FOXN3: variants seen among roughly 807,000 people sequenced by gnomAD.
The protein encoded by FOXN3 is forkhead box N3.
FOXN3 carries 7 observed loss-of-function variants against 38.4 expected under a neutral mutation model. The observed-to-expected ratio is 0.18, with a 90% CI of 0.10 to 0.34. The LOEUF (loss-of-function observed/expected upper bound fraction) is 0.34. FOXN3 is among the 10% of genes least tolerant of loss of function. The pLI is 1.00. For missense variants in FOXN3, 456 were observed against 613.4 expected (o/e 0.74, Z 2.71); for synonymous variants, 230 against 242.2 (o/e 0.95, Z 0.47).
chr14:89,612,710 C>CTTGAGCCCAAGAGTTCGAGGCTGCA (rs1349486142), intron 1 of FOXN3, among the ~76,000 whole-genome samples: 1 of 151,974 alleles, frequency 6.6e-6, no homozygotes, highest in Non-Finnish European at 1.5e-5. Context: ...GGAAAGACTG[C>CTTGAGCCCAAGAGTTCGAGGCTGCA]TTGAGCCCAA....
At chr14:89,385,266 A>T (rs1220418846) in intron 2 of FOXN3, among the ~76,000 whole-genome samples, 4 of 152,152 alleles carry the variant, frequency 2.6e-5, no homozygotes, top group Admixed American at 2.6e-4. Flanking sequence ...CTACATAAAC[A>T]TGCTAATAAA....
chr14:89,463,788 T>C (rs1306040187), intron 1 of FOXN3, among the ~76,000 whole-genome samples: 44 of 148,910 alleles, frequency 3.0e-4, no homozygotes, highest in African/African-American at 5.4e-4. Flanking sequence ...CTCTCTCTTT[T>C]TTTTTTTTTT....
intron 3 of FOXN3, among the ~76,000 whole-genome samples, chr14:89,338,560 G>A (rs905725314): frequency 2.6e-5 from 4 of 152,176 alleles, no homozygotes; most frequent in Non-Finnish European, 5.9e-5. Context: ...TTGGGAGGCC[G>A]AAGTGGGTAG....
intron 2 of FOXN3, among the ~76,000 whole-genome samples, chr14:89,363,726 GAACA>G (rs1183335497): frequency 1.3e-5 from 2 of 152,162 alleles, no homozygotes; most frequent in African/African-American, 4.8e-5. Context: ...ACTAGCAGAA[GAACA>G]AACAGAACAG....
At chr14:89,296,625 A>T (rs1887047918) in intron 3 of FOXN3, among the ~76,000 whole-genome samples, 1 of 152,132 alleles carries the variant, frequency 6.6e-6, no homozygotes, top group Non-Finnish European at 1.5e-5. Flanking sequence ...ACATCTGCCC[A>T]GGGGCCCCAG....
intron 2 of FOXN3, among the ~76,000 whole-genome samples, chr14:89,354,717 T>A (rs1222762391): frequency 6.6e-6 from 1 of 151,328 alleles, no homozygotes; most frequent in East Asian, 2.0e-4. Flanking sequence ...TAGCTGGGTT[T>A]TGTGGTGGGT....
At chr14:89,222,047 A>T (rs1884484010) in intron 4 of FOXN3, among the ~76,000 whole-genome samples, 1 of 151,886 alleles carries the variant, frequency 6.6e-6, no homozygotes, top group African/African-American at 2.4e-5. Context: ...TAGTCTCCTG[A>T]CCTCGTGATC....
intron 1 of FOXN3, among the ~76,000 whole-genome samples, chr14:89,600,268 T>C (rs1408723346): frequency 1.3e-5 from 2 of 152,150 alleles, no homozygotes; most frequent in Non-Finnish European, 2.9e-5. Context: ...GTAGTAAGCA[T>C]AAAACAAAAC....
At chr14:89,220,812 A>C (rs1480231716) in intron 4 of FOXN3, among the ~76,000 whole-genome samples, 1 of 152,204 alleles carries the variant, frequency 6.6e-6, no homozygotes, top group Non-Finnish European at 1.5e-5. Flanking sequence ...GAATGCCCTG[A>C]GAACCATCAG....
intron 4 of FOXN3, among the ~76,000 whole-genome samples, chr14:89,252,107 A>G (rs968972868): frequency 2.6e-5 from 4 of 152,156 alleles, no homozygotes; most frequent in African/African-American, 9.7e-5. Context: ...TCTTACAACA[A>G]CCCTACAAAG....
At chr14:89,529,087 A>G (rs1894498350) in intron 1 of FOXN3, among the ~76,000 whole-genome samples, 1 of 152,174 alleles carries the variant, frequency 6.6e-6, no homozygotes, top group Non-Finnish European at 1.5e-5. Flanking sequence ...AAGTATCCCT[A>G]CAGAATGAAA....
intron 1 of FOXN3, among the ~76,000 whole-genome samples, chr14:89,593,857 T>C (rs1417793886): frequency 1.3e-5 from 2 of 152,322 alleles, no homozygotes; most frequent in Non-Finnish European, 2.9e-5. Flanking sequence ...TCTGCCCACC[T>C]TGGCCTCCCA....
At position 89,591,632 on chromosome 14, in the gene FOXN3, C is replaced by A. The variant is rs142384150; in HGVS notation, c.-15+27396G>T. 6.6e-3 allele frequency among the ~76,000 whole-genome samples: 1,000 copies of A among 152,272 alleles called. 10 individuals are homozygous for A. The highest frequency in any genetic ancestry group is 0.023 in the African/African-American group (935 of 41,536). On this transcript the variant is annotated intron_variant, in intron 1 of 6. Transcript: ENST00000345097. ...CATCTACACTGTGAAAGTCAGACATCTAAACAAACAGGAAAGGTGTGGTAG... is the reference window on the plus strand; with the variant it reads ...CATCTACACTGTGAAAGTCAGACATATAAACAAACAGGAAAGGTGTGGTAG...
intron 1 of FOXN3, among the ~76,000 whole-genome samples, chr14:89,514,028 G>T (rs1392525732): frequency 1.3e-5 from 2 of 152,140 alleles, no homozygotes; most frequent in Non-Finnish European, 2.9e-5. Context: ...CGCTGTCTTT[G>T]TTTCTTCCAG....
intron 1 of FOXN3, among the ~76,000 whole-genome samples, chr14:89,453,621 T>C (rs1366761981): frequency 6.8e-6 from 1 of 147,960 alleles, no homozygotes; most frequent in Non-Finnish European, 1.5e-5. Context: ...CCCATAAATA[T>C]GTACGACCAT....
At chr14:89,590,987 T>C (rs1454472581) in intron 1 of FOXN3, among the ~76,000 whole-genome samples, 2 of 152,206 alleles carry the variant, frequency 1.3e-5, no homozygotes, top group African/African-American at 4.8e-5. Flanking sequence ...AACTATCCAT[T>C]ATGCATCAAA....
chr14:89,234,035 A>G (rs1267626231), intron 4 of FOXN3, among the ~76,000 whole-genome samples: 1 of 152,172 alleles, frequency 6.6e-6, no homozygotes, highest in East Asian at 1.9e-4. Flanking sequence ...TACATACAGG[A>G]TAGAAAGCCA....
At chr14:89,503,946 C>CT (rs1227170277) in intron 1 of FOXN3, among the ~76,000 whole-genome samples, 4 of 152,316 alleles carry the variant, frequency 2.6e-5, no homozygotes, top group Non-Finnish European at 4.4e-5. Flanking sequence ...GGATTTGCCC[C>CT]TTACTTCTAT....
intron 1 of FOXN3, among the ~76,000 whole-genome samples, chr14:89,613,839 G>A (rs1896442726): frequency 1.3e-5 from 2 of 152,296 alleles, no homozygotes; most frequent in African/African-American, 4.8e-5. Context: ...CTGTGGCCAT[G>A]AGCAGCACAG....
Sources: gnomAD v4.1 joint callset for allele counts (sites outside exome capture counted in the v4.1 genomes callset) on GRCh38, gnomAD v4.1.1 for gene constraint, MANE v1.5 for transcripts, NCBI Gene and HGNC (gene_info 2026-07-23, HGNC 2026-07-21) for gene names.